The following VAMP4 variants were observed in gnomAD, a reference collection of about 807,000 sequenced individuals.
VAMP4 encodes vesicle-associated membrane protein 4.
A neutral mutation model predicts 23.5 loss-of-function variants in VAMP4; 19 were observed. The observed-to-expected ratio is 0.81, with a 90% CI of 0.56 to 1.19. The LOEUF (loss-of-function observed/expected upper bound fraction) is 1.19, where lower values mean the gene tolerates loss of function less well. Among genes scored for constraint, VAMP4 ranks in the 50% most tolerant of loss-of-function variants. VAMP4 has a pLI of 0.00. For missense variants in VAMP4, 145 were observed against 168.6 expected (o/e 0.86, Z 0.78); for synonymous variants, 31 against 51.0 (o/e 0.61, Z 1.67).
At chr1:171,707,825 A>G (rs1654705975) in intron 6 of VAMP4, among the ~76,000 whole-genome samples, 1 of 152,140 alleles carries the variant, frequency 6.6e-6, no homozygotes, top group Non-Finnish European at 1.5e-5. Context: ...CAAACCCCAT[A>G]AAGTACAAAG....
At chr1:171,734,835 C>T (rs1462736580) in intron 2 of VAMP4, among the ~76,000 whole-genome samples, 1 of 152,110 alleles carries the variant, frequency 6.6e-6, no homozygotes, top group East Asian at 1.9e-4. Context: ...GATACAATTA[C>T]AGTCTCAGCA....
intron 4 of VAMP4, among the ~76,000 whole-genome samples, chr1:171,711,188 C>T (rs542302346): frequency 1.3e-5 from 2 of 152,202 alleles, no homozygotes; most frequent in South Asian, 4.1e-4. Context: ...ATAGACACCG[C>T]TGTAGCCTAC....
chr1:171,700,493 T>TCC lies in VAMP4; in HGVS notation c.*4012_*4013insGG, dbSNP rs1167466151. ...ACTAAAATCTCTGCTAATTATGTAA[T>TCC]CTACTTTGTGGCTTTAAAATATTGG... On this transcript the variant is annotated 3_prime_UTR_variant, in exon 8 of 8. Transcript: ENST00000236192. 2 of 152,246 alleles carry TCC rather than the reference T, an allele frequency of 1.3e-5. No individual in the cohort carries two copies. Among genetic ancestry groups the TCC allele is most frequent in the African/African-American group, 4.8e-5 (2 of 41,466 alleles). 9.4% of individuals were successfully genotyped at this position (152,246 alleles called of 1,614,324 possible).
At chr1:171,707,201 T>C (rs986561990) in intron 6 of VAMP4, among the ~76,000 whole-genome samples, 2 of 152,150 alleles carry the variant, frequency 1.3e-5, no homozygotes, top group African/African-American at 4.8e-5. Context: ...CCCAGATATA[T>C]TAAGAGAGGT....
At chr1:171,727,784 A>G (rs1193153849) in intron 3 of VAMP4, among the ~76,000 whole-genome samples, 2 of 152,212 alleles carry the variant, frequency 1.3e-5, no homozygotes, top group African/African-American at 4.8e-5. Context: ...AACTATTAAC[A>G]CATGGATGAA....
intron 3 of VAMP4, among the ~76,000 whole-genome samples, chr1:171,724,406 G>A (rs1048438345): frequency 6.6e-6 from 1 of 151,940 alleles, no homozygotes; most frequent in Non-Finnish European, 1.5e-5. Flanking sequence ...ACACCAACAT[G>A]GCACATGCAT....
At chr1:171,740,543 A>G (rs1655891946) in intron 1 of VAMP4, among the ~76,000 whole-genome samples, 1 of 152,232 alleles carries the variant, frequency 6.6e-6, no homozygotes, top group African/African-American at 2.4e-5. Context: ...TGCCTGAGTA[A>G]CAGCTCTTGA....
In VAMP4 at chr1:171,742,030, G is replaced by C. The variant is rs1655946435; in HGVS notation, c.-170C>G. 2 of 152,246 alleles carry C rather than the reference G, an allele frequency of 1.3e-5. No individual in the cohort carries two copies. Among genetic ancestry groups the C allele is most frequent in the African/African-American group, 4.8e-5 (2 of 41,446 alleles). The allele number at this position is 152,246 out of a possible 1,614,324, so 9.4% of individuals were successfully genotyped here. On this transcript the variant is annotated 5_prime_UTR_variant, in exon 1 of 8. Coordinates refer to ENST00000236192, the MANE Select transcript of VAMP4 (RefSeq NM_003762.5). The stretch of plus-strand genomic sequence containing the variant: ...GGGAGACAGTTGGTGCGGACCCGGC[G>C]TCGGCCGCAGCGCCGCAGCAGCGCC...
chr1:171,723,220 C>T (rs916437474), intron 3 of VAMP4, among the ~76,000 whole-genome samples: 1 of 152,132 alleles, frequency 6.6e-6, no homozygotes, highest in Non-Finnish European at 1.5e-5. Context: ...AGAGCAAGAT[C>T]ACACGACTGG....
chr1:171,704,569 A>G (rs1025168915), intron 7 of VAMP4, 35 bp from the exon 8 acceptor site: 1 of 1,465,406 alleles, frequency 6.8e-7, no homozygotes, highest in African/African-American at 1.4e-5. Context: ...CAATATATCA[A>G]CATCAGATAT....
At chr1:171,728,469 T>C in intron 3 of VAMP4, 55 bp downstream of exon 3, 1 of 1,378,952 alleles carries the variant, frequency 7.3e-7, no homozygotes, top group South Asian at 1.4e-5. Context: ...ATTTTAGATA[T>C]ATGCATGTAT....
At chr1:171,713,050 A>C (rs928103724) in intron 4 of VAMP4, among the ~76,000 whole-genome samples, 2 of 152,244 alleles carry the variant, frequency 1.3e-5, no homozygotes, top group Non-Finnish European at 2.9e-5. Context: ...CAATGAATGC[A>C]GTGACCTTGC....
chr1:171,707,890 C>T (rs1171196452), intron 6 of VAMP4, among the ~76,000 whole-genome samples: 1 of 151,992 alleles, frequency 6.6e-6, no homozygotes, highest in Non-Finnish European at 1.5e-5. Flanking sequence ...ACATTATGAC[C>T]ATCTTTTTGT....
intron 2 of VAMP4, among the ~76,000 whole-genome samples, chr1:171,730,075 A>C (rs537772814): frequency 2.2e-4 from 34 of 152,322 alleles, no homozygotes; most frequent in African/African-American, 7.0e-4. Context: ...GCAAGAAAAC[A>C]GTTTCTTCCC....
chr1:171,733,294 CAAA>C (rs35176644), intron 2 of VAMP4, among the ~76,000 whole-genome samples: 735 of 58,066 alleles, frequency 0.013, 4 homozygotes, highest in African/African-American at 0.05. Context: ...CCCATCTCTA[CAAA>C]AAAAAAAAAA....
intron 1 of VAMP4, among the ~76,000 whole-genome samples, chr1:171,738,809 G>A (rs1054967117): frequency 2.0e-5 from 3 of 152,328 alleles, no homozygotes; most frequent in South Asian, 2.1e-4. Flanking sequence ...CAGAAGACAG[G>A]AGAACATGCC....
At chr1:171,716,186 A>G (rs1655018358) in intron 4 of VAMP4, among the ~76,000 whole-genome samples, 3 of 152,144 alleles carry the variant, frequency 2.0e-5, no homozygotes, top group Non-Finnish European at 4.4e-5. Context: ...AGGGAATCTC[A>G]TAAAAGTTAA....
At position 171,703,390 on chromosome 1, in the gene VAMP4, T is replaced by C. The variant is rs1370325485; in HGVS notation, c.*1116A>G. 1.7e-5 allele frequency: 2 copies of C among 120,432 alleles called. No homozygotes were observed. The highest frequency in any genetic ancestry group is 2.7e-4 in the South Asian group (1 of 3,684). 7.5% of individuals were successfully genotyped at this position (120,432 alleles called of 1,614,324 possible). On this transcript the variant is annotated 3_prime_UTR_variant, in exon 8 of 8. Transcript: ENST00000236192. ...ACCGACTGACTGATTATCATATGTG[T>C]GCGTGTGTGTGTGTGTGTGTGTGTG...
At chr1:171,711,040 C>CT (rs1654831753) in intron 4 of VAMP4, among the ~76,000 whole-genome samples, 1 of 152,082 alleles carries the variant, frequency 6.6e-6, no homozygotes, top group Admixed American at 6.6e-5. Flanking sequence ...AGATAGCTTA[C>CT]TTTTAGCCCT....
Sources: allele counts gnomAD v4.1 joint callset (sites outside exome capture counted in the v4.1 genomes callset), GRCh38; gene constraint gnomAD v4.1.1; transcripts MANE v1.5; gene names NCBI Gene and HGNC (gene_info 2026-07-23, HGNC 2026-07-21).